KMT2C: variants seen among roughly 807,000 people sequenced by gnomAD.
The protein encoded by KMT2C is histone-lysine N-methyltransferase 2C.
A neutral mutation model predicts 507.9 loss-of-function variants in KMT2C; 88 were observed. That is an observed-to-expected ratio of 0.17 (90% CI 0.15 to 0.21). KMT2C has a LOEUF of 0.21. Among genes scored for constraint, KMT2C ranks in the 10% least tolerant of loss-of-function variants. The pLI, the probability that KMT2C is intolerant of heterozygous loss-of-function variation, is 1.00. For synonymous variants in KMT2C, 2,049 were observed against 2,080.8 expected (o/e 0.98, Z 0.42); for missense variants, 4,954 against 5,957.8 (o/e 0.83, Z 5.55).
intron 1 of KMT2C, among the ~76,000 whole-genome samples, chr7:152,430,833 C>T (rs986579291): frequency 5.9e-5 from 9 of 152,212 alleles, no homozygotes; most frequent in African/African-American, 2.2e-4. Flanking sequence ...CACACCCATC[C>T]TTAATGTCCT....
At chr7:152,157,862 A>C in intron 44 of KMT2C, 1 of 1,339,620 alleles carries the variant, frequency 7.5e-7, no homozygotes, top group Non-Finnish European at 9.9e-7. Context: ...CCACTGCCAT[A>C]AGGAAGAAAG....
At chr7:152,289,265 G>A (rs2096364000) in intron 6 of KMT2C, among the ~76,000 whole-genome samples, 1 of 152,220 alleles carries the variant, frequency 6.6e-6, no homozygotes, top group East Asian at 1.9e-4. Context: ...GCACCAAGCT[G>A]TATTAGAAGT....
chr7:152,166,414 G>A (rs979019971), intron 42 of KMT2C, among the ~76,000 whole-genome samples: 7 of 152,080 alleles, frequency 4.6e-5, no homozygotes, highest in Admixed American at 3.3e-4. Context: ...GAACCACCAC[G>A]CCTGGCCTGA....
intron 1 of KMT2C, chr7:152,367,306 G>A (rs775912614): frequency 6.7e-5 from 72 of 1,072,222 alleles, no homozygotes; most frequent in Non-Finnish European, 9.7e-5. Flanking sequence ...TTCCCAGCTG[G>A]AGGAGCCCTG....
chr7:152,174,582 A>G (rs2093112097), intron 38 of KMT2C, among the ~76,000 whole-genome samples: 2 of 152,356 alleles, frequency 1.3e-5, no homozygotes, highest in South Asian at 2.1e-4. Context: ...AAGAATTTGC[A>G]ATACTAAGGA....
intron 2 of KMT2C, among the ~76,000 whole-genome samples, chr7:152,342,903 T>G (rs2097011576): frequency 6.6e-6 from 1 of 152,162 alleles, no homozygotes; most frequent in African/African-American, 2.4e-5. Context: ...AGTTCTAGCC[T>G]AAGAGAACTA....
Position 152,222,016 on chromosome 7 carries a change from T to G in KMT2C, c.3484A>C (p.Lys1162Gln). Residue 1162 changes from lysine to glutamine, a missense_variant, in exon 22 of 59, where the codon AAA (lysine) becomes CAA (glutamine). Coordinates refer to ENST00000262189, the MANE Select transcript of KMT2C (RefSeq NM_170606.3). ...ESSLVAQIVT[K>Q]VKELDPPKTY... Reference sequence around the variant, plus strand: ...CAAATTTTACCTAGCTCTTTTACTTTTGTGACAATTTGTGCTACAAGTGAA... The same window carrying G: ...CAAATTTTACCTAGCTCTTTTACTTGTGTGACAATTTGTGCTACAAGTGAA... The G allele has an allele frequency of 6.2e-7, 1 of 1,605,338 alleles. No individual in the cohort carries two copies. Among genetic ancestry groups the G allele is most frequent in the Non-Finnish European group, 8.5e-7 (1 of 1,176,592 alleles).
rs1236163633 is a variant in KMT2C, at chr7:152,135,853, C to T, written c.*979G>A. 8.7e-6 allele frequency: 2 copies of T among 230,948 alleles called. No homozygotes were observed. Among genetic ancestry groups the T allele is most frequent in the African/African-American group, 2.2e-5 (1 of 45,164 alleles). The allele number at this position is 230,948 out of a possible 1,614,324, so 14.3% of individuals were successfully genotyped here. A position where few individuals can be genotyped will look rare whatever the true frequency, so the allele number is the denominator to read the frequency against. ...TCTGTCAGAAGTAAGGTGTATAAAA[C>T]CATTGAGTACTAATAGACTGCGGTT... On this transcript the variant is annotated 3_prime_UTR_variant, in exon 59 of 59. Coordinates refer to ENST00000262189, the MANE Select transcript of KMT2C (RefSeq NM_170606.3).
intron 1 of KMT2C, among the ~76,000 whole-genome samples, chr7:152,390,415 T>C (rs1418005626): frequency 6.6e-6 from 1 of 152,310 alleles, no homozygotes; most frequent in African/African-American, 2.4e-5. Context: ...GAAGAACACT[T>C]TGTTAAACAA....
At chr7:152,226,591 G>C (rs2094941226) in intron 18 of KMT2C, among the ~76,000 whole-genome samples, 1 of 152,128 alleles carries the variant, frequency 6.6e-6, no homozygotes, top group African/African-American at 2.4e-5. Flanking sequence ...ATTTTGATTA[G>C]CTTATTGATT....
chr7:152,288,189 A>C (rs2096341125), intron 6 of KMT2C, among the ~76,000 whole-genome samples: 1 of 150,930 alleles, frequency 6.6e-6, no homozygotes, highest in Admixed American at 6.6e-5. Flanking sequence ...AAAATGGGAG[A>C]GATTACCCAA....
At position 152,179,783 on chromosome 7, in the gene KMT2C, T is replaced by C. The variant is rs575229606; in HGVS notation, c.7442+51A>G. 2.9e-4 allele frequency: 452 copies of C among 1,551,298 alleles called. 10 individuals carry two copies. In the South Asian group the frequency reaches 4.9e-3, roughly 17 times the overall value. ...GCACAAGCCACCACACCCAGCTCTG[T>C]TTCCCTCTTCTAATAGCAATTTAAA... is the stretch of plus-strand genomic sequence containing the variant. On this transcript the variant is annotated intron_variant, in intron 37 of 58. Coordinates refer to ENST00000262189, the MANE Select transcript of KMT2C (RefSeq NM_170606.3).
intron 1 of KMT2C, among the ~76,000 whole-genome samples, chr7:152,393,073 G>A (rs576359262): frequency 1.3e-5 from 2 of 152,106 alleles, no homozygotes; most frequent in South Asian, 2.1e-4. Context: ...CTCCAGCCTG[G>A]GTGACAGAGT....
chr7:152,255,078 T>G (rs537302330), intron 9 of KMT2C, among the ~76,000 whole-genome samples: 24 of 141,460 alleles, frequency 1.7e-4, no homozygotes, highest in Non-Finnish European at 3.4e-4. Flanking sequence ...GGTTAGGATG[T>G]CTTAAAATCA....
At chr7:152,209,030 A>T (rs2094385308) in intron 23 of KMT2C, among the ~76,000 whole-genome samples, 2 of 152,002 alleles carry the variant, frequency 1.3e-5, no homozygotes, top group Admixed American at 6.6e-5. Context: ...GTGGTGGTAC[A>T]CGCCTAAAAG....
rs772182463 is a variant in KMT2C, at chr7:152,178,027, A to ATTT, written c.7443-18_7443-17insAAA. The ATTT allele has an allele frequency of 1.0e-5, 14 of 1,388,880 alleles. No individual in the cohort carries two copies. The African/African-American group carries it at 2.3e-4, about 22-fold the overall frequency. 86.0% of individuals were successfully genotyped at this position (1,388,880 alleles called of 1,614,324 possible). On this transcript the variant is annotated splice_polypyrimidine_tract_variant and intron_variant, in intron 37 of 58. Transcript: ENST00000262189. ...AATCCAAATCTTTTAAAAAAAAAAAAAAAAAAAAAAAAAAAGCAAATAGGT... is the reference window on the plus strand; with the variant it reads ...AATCCAAATCTTTTAAAAAAAAAAAATTTAAAAAAAAAAAAAAAGCAAATAGGT...
rs1434836513 is a variant in KMT2C, at chr7:152,155,851, T to A, written c.11960+59A>T. On this transcript the variant is annotated intron_variant, in intron 46 of 58. Transcript: ENST00000262189. ...AAAGACATTATGCCACATACATACATTTATTTTTTTTAAAAGAAGAAATAA... is the reference window on the plus strand; with the variant it reads ...AAAGACATTATGCCACATACATACAATTATTTTTTTTAAAAGAAGAAATAA... 1.2e-5 allele frequency: 18 copies of A among 1,501,870 alleles called. No homozygotes were observed. The East Asian group carries it at 3.8e-4, about 32-fold the overall frequency. The allele number at this position is 1,501,870 out of a possible 1,614,324, so 93.0% of individuals were successfully genotyped here. A position where few individuals can be genotyped will look rare whatever the true frequency, so the allele number is the denominator to read the frequency against.
rs533392853 is a variant in KMT2C, at chr7:152,297,525, A to G, written c.849+12441T>C. Among the ~76,000 whole-genome samples the G allele has an allele frequency of 1.4e-3, 215 of 152,368 alleles. 1 individual carries two copies. The highest frequency in any genetic ancestry group is 2.2e-3 in the Non-Finnish European group (149 of 68,032). ...CTGATACTCATACAAAGCCAGGAAT[A>G]GTATCTGTTCCCACTAGCCAAACTG... On this transcript the variant is annotated intron_variant, in intron 6 of 58. Transcript: ENST00000262189.
In KMT2C at chr7:152,205,115, T is replaced by G. The variant is rs780637161; in HGVS notation, c.3952A>C (p.Arg1318=). ...TAAGTCAGTACTATACCATCATCTC[T>G]GCAAGGTAACTGCTCGGAAATAGAG... is the stretch of plus-strand genomic sequence containing the variant. The part of the protein sequence containing the change: ...SGSISEQLPC[R]DDGWSEQLPD... The change falls in exon 25 of 59, where the codon AGA becomes CGA. Residue 1318 remains arginine, a synonymous_variant. Transcript: ENST00000262189. 3.1e-6 allele frequency: 5 copies of G among 1,611,302 alleles called. No homozygotes were observed.
Sources: allele counts gnomAD v4.1 joint callset (sites outside exome capture counted in the v4.1 genomes callset), GRCh38; gene constraint gnomAD v4.1.1; transcripts MANE v1.5; gene names NCBI Gene and HGNC (gene_info 2026-07-23, HGNC 2026-07-21).